WWOX: variants seen among roughly 807,000 people sequenced by gnomAD.
WWOX encodes the protein WW domain-containing oxidoreductase.
Under a neutral mutation model 46.2 loss-of-function variants are expected in WWOX, and 69 were observed. The observed-to-expected ratio is 1.49, with a 90% CI of 1.23 to 1.82. The LOEUF (loss-of-function observed/expected upper bound fraction) is 1.82. WWOX is among the 40% of genes most tolerant of loss of function. The probability of loss-of-function intolerance (pLI) is 0.00; values close to 1 mark genes in which losing one functional copy is unlikely to be tolerated. For missense variants in WWOX, 919 were observed against 542.6 expected (o/e 1.69, Z -6.89); for synonymous variants, 359 against 202.6 (o/e 1.77, Z -6.56).
intron 8 of WWOX, among the ~76,000 whole-genome samples, chr16:78,912,549 G>A (rs763263849): frequency 1.3e-5 from 2 of 151,994 alleles, no homozygotes; most frequent in Non-Finnish European, 1.5e-5. Flanking sequence ...GTGCCTTGTT[G>A]GAGACAAAAC....
intron 8 of WWOX, among the ~76,000 whole-genome samples, chr16:78,601,688 G>C (rs1399104754): frequency 1.3e-5 from 2 of 152,188 alleles, no homozygotes; most frequent in African/African-American, 4.8e-5. Flanking sequence ...GGAAATTGTA[G>C]AGTGGAATAT....
intron 5 of WWOX, among the ~76,000 whole-genome samples, chr16:78,326,309 A>G (rs780631451): frequency 1.2e-4 from 19 of 152,212 alleles, no homozygotes; most frequent in Non-Finnish European, 2.6e-4. Flanking sequence ...GCAGAAACCT[A>G]AATTGCTAAA....
intron 8 of WWOX, among the ~76,000 whole-genome samples, chr16:78,944,275 G>A (rs771369853): frequency 2.6e-5 from 4 of 152,034 alleles, no homozygotes; most frequent in Non-Finnish European, 5.9e-5. Context: ...TACTTTATCA[G>A]CATCTACATC....
intron 8 of WWOX, among the ~76,000 whole-genome samples, chr16:79,018,598 G>T (rs750105265): frequency 6.6e-6 from 1 of 152,030 alleles, no homozygotes; most frequent in Non-Finnish European, 1.5e-5. Flanking sequence ...TGTCAGAATC[G>T]AGGTCATGTC....
intron 8 of WWOX, among the ~76,000 whole-genome samples, chr16:78,637,526 T>C (rs1440036259): frequency 6.6e-6 from 1 of 152,078 alleles, no homozygotes; most frequent in East Asian, 1.9e-4. Flanking sequence ...GTGATGTAAC[T>C]CATCAGTGGT....
intron 5 of WWOX, among the ~76,000 whole-genome samples, chr16:78,372,675 GT>G (rs930761748): frequency 1.3e-5 from 2 of 152,028 alleles, no homozygotes; most frequent in African/African-American, 4.8e-5. Context: ...TTGAGGCTCC[GT>G]TTTTTTGTTT....
chr16:78,551,295 T>C (rs193213632), intron 8 of WWOX: 14 of 152,328 alleles, frequency 9.2e-5, no homozygotes, highest in Middle Eastern at 3.4e-3. Flanking sequence ...TCTTTAGATA[T>C]CTCGTCTTCC....
chr16:79,203,447 G>C (rs1161278198), intron 8 of WWOX: 1 of 151,334 alleles, frequency 6.6e-6, no homozygotes, highest in Non-Finnish European at 1.5e-5. Flanking sequence ...GGAAGGCAGA[G>C]TTAAGAGTTA....
chr16:79,171,699 C>T (rs1373273022), intron 8 of WWOX, among the ~76,000 whole-genome samples: 3 of 152,142 alleles, frequency 2.0e-5, no homozygotes, highest in South Asian at 4.1e-4. Context: ...TTTTATCATC[C>T]AATCAGCAGA....
intron 8 of WWOX, among the ~76,000 whole-genome samples, chr16:78,939,466 G>A (rs567671079): frequency 2.4e-3 from 372 of 152,242 alleles, no homozygotes; most frequent in Non-Finnish European, 4.5e-3. Flanking sequence ...CTTTAAGGGT[G>A]GACTTAATTT....
chr16:78,290,774 C>T (rs997241576), intron 5 of WWOX, among the ~76,000 whole-genome samples: 1 of 151,952 alleles, frequency 6.6e-6, no homozygotes, highest in African/African-American at 2.4e-5. Flanking sequence ...TTAGGGAGCA[C>T]TTTTCAAAAT....
intron 8 of WWOX, among the ~76,000 whole-genome samples, chr16:78,857,254 C>T (rs1597728299): frequency 6.6e-6 from 1 of 152,010 alleles, no homozygotes; most frequent in African/African-American, 2.4e-5. Context: ...AATTGGCAAA[C>T]ATGAAAAAAT....
chr16:79,062,036 G>A (rs1053785100), intron 8 of WWOX, among the ~76,000 whole-genome samples: 1 of 152,130 alleles, frequency 6.6e-6, no homozygotes, highest in South Asian at 2.1e-4. Context: ...AGTATGGTTT[G>A]TGATGCCCTT....
chr16:78,845,527 A>G (rs1052767295), intron 8 of WWOX, among the ~76,000 whole-genome samples: 2 of 152,206 alleles, frequency 1.3e-5, no homozygotes, highest in African/African-American at 4.8e-5. Flanking sequence ...ACATATTTTT[A>G]AAGAAAGTGT....
chr16:79,037,084 G>A (rs971730990), intron 8 of WWOX, among the ~76,000 whole-genome samples: 9 of 152,138 alleles, frequency 5.9e-5, no homozygotes, highest in Admixed American at 2.0e-4. Context: ...GACTCAGGGC[G>A]GGGCCTGGGC....
chr16:78,148,822 T>C (rs546218229), intron 4 of WWOX, among the ~76,000 whole-genome samples: 196 of 128,756 alleles, frequency 1.5e-3, no homozygotes, highest in African/African-American at 5.5e-3. Flanking sequence ...GGCGTGAACC[T>C]GGGAGGCGGA....
intron 8 of WWOX, among the ~76,000 whole-genome samples, chr16:78,484,148 A>G (rs2084568517): frequency 6.6e-6 from 1 of 152,226 alleles, no homozygotes; most frequent in South Asian, 2.1e-4. Context: ...TGCTTTGTAT[A>G]AACATATGAA....
chr16:78,526,302 C>G (rs573916109), intron 8 of WWOX: 1 of 152,388 alleles, frequency 6.6e-6, no homozygotes, highest in Admixed American at 6.5e-5. Flanking sequence ...GCTGCTGGTC[C>G]TGGATCCTTG....
At chr16:78,405,958 G>T (rs570185014) in intron 6 of WWOX, among the ~76,000 whole-genome samples, 2 of 152,104 alleles carry the variant, frequency 1.3e-5, no homozygotes, top group African/African-American at 2.4e-5. Context: ...CTAAACAAAA[G>T]AATTCTCTTA....
Sources: allele counts gnomAD v4.1 joint callset (sites outside exome capture counted in the v4.1 genomes callset), GRCh38; gene constraint gnomAD v4.1.1; transcripts MANE v1.5; gene names NCBI Gene and HGNC (gene_info 2026-07-23, HGNC 2026-07-21).